KIAA1549L: variants seen among roughly 807,000 people sequenced by gnomAD.
KIAA1549L encodes UPF0606 protein KIAA1549L.
A neutral mutation model predicts 160.7 loss-of-function variants in KIAA1549L; 88 were observed. That is an observed-to-expected ratio of 0.55 (90% CI 0.46 to 0.65). The LOEUF (loss-of-function observed/expected upper bound fraction) is 0.65. Ranked by LOEUF, KIAA1549L falls within the 30% of genes least tolerant of loss-of-function variation. KIAA1549L has a pLI of 0.00. For missense variants in KIAA1549L, 2,258 were observed against 2,437.5 expected, an observed-to-expected ratio of 0.93 and a Z score of 1.55; for synonymous variants, 950 against 976.7, an observed-to-expected ratio of 0.97 and a Z score of 0.51.
At chr11:33,441,503 C>A (rs1246785419) in intron 1 of KIAA1549L, among the ~76,000 whole-genome samples, 1 of 150,786 alleles carries the variant, frequency 6.6e-6, no homozygotes, top group East Asian at 1.9e-4. Flanking sequence ...CACACGACTT[C>A]CACAATGGTT....
chr11:33,558,306 C>T (rs1590342221), intron 6 of KIAA1549L, among the ~76,000 whole-genome samples: 1 of 152,196 alleles, frequency 6.6e-6, no homozygotes, highest in South Asian at 2.1e-4. Flanking sequence ...GTACGGTACC[C>T]AAGGCTCTAA....
chr11:33,637,278 C>G (rs1255454210), intron 16 of KIAA1549L, among the ~76,000 whole-genome samples: 1 of 152,240 alleles, frequency 6.6e-6, no homozygotes, highest in Non-Finnish European at 1.5e-5. Context: ...CCATGACCAC[C>G]CTAATCCAGG....
At chr11:33,422,532 T>C (rs1209946197) in intron 1 of KIAA1549L, among the ~76,000 whole-genome samples, 3 of 44,626 alleles carry the variant, frequency 6.7e-5, no homozygotes, top group Admixed American at 3.1e-4. Flanking sequence ...CCCTTCCCCC[T>C]TTCCCCCCTC....
chr11:33,495,733 A>C (rs936146673), intron 1 of KIAA1549L, among the ~76,000 whole-genome samples: 1 of 152,066 alleles, frequency 6.6e-6, no homozygotes, highest in Non-Finnish European at 1.5e-5. Flanking sequence ...ACTAGTTTAC[A>C]GTCCCACCAA....
intron 1 of KIAA1549L, among the ~76,000 whole-genome samples, chr11:33,443,226 C>G (rs1055194179): frequency 1.3e-5 from 2 of 152,100 alleles, no homozygotes; most frequent in African/African-American, 4.8e-5. Context: ...TCTTGAACTC[C>G]TGGGCTGAAG....
Position 33,656,121 on chromosome 11 carries a change from CT to C in KIAA1549L, c.5858+15del. On this transcript the variant is annotated intron_variant, in intron 18 of 20. Transcript: ENST00000658780. ...GCTTCTCTCAGGCGGTAACACGTTC[CT>C]TTCTTTGTTTTGTTTGGAATATTTG... The C allele has an allele frequency of 6.2e-7, 1 of 1,601,704 alleles. No individual in the cohort carries two copies. The highest frequency in any genetic ancestry group is 8.6e-7 in the Non-Finnish European group (1 of 1,169,504).
intron 1 of KIAA1549L, among the ~76,000 whole-genome samples, chr11:33,519,708 G>A (rs901463275): frequency 4.6e-5 from 7 of 152,068 alleles, no homozygotes; most frequent in Non-Finnish European, 1.0e-4. Flanking sequence ...TTAGAGGGGG[G>A]TACATCAGAG....
At chr11:33,526,449 G>A (rs1295197112) in intron 1 of KIAA1549L, among the ~76,000 whole-genome samples, 1 of 152,208 alleles carries the variant, frequency 6.6e-6, no homozygotes, top group Non-Finnish European at 1.5e-5. Context: ...TACCAGAGCA[G>A]GTACTGGTAT....
At chr11:33,664,907 G>C (rs1031515377) in intron 20 of KIAA1549L, among the ~76,000 whole-genome samples, 3 of 152,240 alleles carry the variant, frequency 2.0e-5, no homozygotes. Context: ...ATGGGAACAG[G>C]CTGTATTTCT....
chr11:33,587,449 G>A (rs781749749), intron 11 of KIAA1549L, among the ~76,000 whole-genome samples: 3 of 152,098 alleles, frequency 2.0e-5, no homozygotes, highest in Non-Finnish European at 2.9e-5. Flanking sequence ...TGTGATCTTG[G>A]GCAAGTCACT....
chr11:33,591,527 C>T, intron 12 of KIAA1549L, 106 bp downstream of exon 12: 1 of 863,124 alleles, frequency 1.2e-6, no homozygotes, highest in South Asian at 1.9e-5. Flanking sequence ...TTAAAAATTC[C>T]CCTTCATGCT....
intron 1 of KIAA1549L, among the ~76,000 whole-genome samples, chr11:33,379,965 T>C (rs1245966866): frequency 6.6e-6 from 1 of 152,232 alleles, no homozygotes; most frequent in African/African-American, 2.4e-5. Flanking sequence ...TTGCCCTCTG[T>C]GCTGTGTGAT....
At chr11:33,468,779 C>G (rs1328765860) in intron 1 of KIAA1549L, among the ~76,000 whole-genome samples, 1 of 152,198 alleles carries the variant, frequency 6.6e-6, no homozygotes, top group Non-Finnish European at 1.5e-5. Context: ...TAACTCTGGC[C>G]TCCATGCTAT....
chr11:33,513,730 C>T (rs1300357982), intron 1 of KIAA1549L, among the ~76,000 whole-genome samples: 1 of 152,182 alleles, frequency 6.6e-6, no homozygotes, highest in African/African-American at 2.4e-5. Context: ...ATTGGCTTCT[C>T]CTGGGGCAGA....
chr11:33,629,014 G>T (rs1251988696), intron 16 of KIAA1549L, among the ~76,000 whole-genome samples: 1 of 151,350 alleles, frequency 6.6e-6, no homozygotes, highest in Non-Finnish European at 1.5e-5. Flanking sequence ...TTGCTTGTCT[G>T]TAAAGTATTT....
intron 1 of KIAA1549L, among the ~76,000 whole-genome samples, chr11:33,424,595 A>C (rs1037010283): frequency 3.3e-5 from 5 of 152,200 alleles, no homozygotes; most frequent in Admixed American, 3.3e-4. Flanking sequence ...CACTTACAAA[A>C]GTGTCTTGAC....
At chr11:33,498,617 G>T (rs189496794) in intron 1 of KIAA1549L, among the ~76,000 whole-genome samples, 2 of 152,312 alleles carry the variant, frequency 1.3e-5, no homozygotes, top group East Asian at 1.9e-4. Context: ...AACAGAAGCT[G>T]CCAGGACTTT....
intron 1 of KIAA1549L, among the ~76,000 whole-genome samples, chr11:33,489,186 C>T (rs555036634): frequency 6.6e-6 from 1 of 152,306 alleles, no homozygotes; most frequent in South Asian, 2.1e-4. Flanking sequence ...ATTTATTACT[C>T]ACAGTTCTGG....
At chr11:33,620,873 G>A (rs894956247) in intron 16 of KIAA1549L, among the ~76,000 whole-genome samples, 1 of 152,154 alleles carries the variant, frequency 6.6e-6, no homozygotes, top group Admixed American at 6.5e-5. Flanking sequence ...GTGAGTCATA[G>A]TTTTAAACAA....
Sources: allele counts gnomAD v4.1 joint callset (sites outside exome capture counted in the v4.1 genomes callset), GRCh38; gene constraint gnomAD v4.1.1; transcripts MANE v1.5; gene names NCBI Gene and HGNC (gene_info 2026-07-23, HGNC 2026-07-21).